SHANK1: variants seen among roughly 807,000 people sequenced by gnomAD.
SHANK1 encodes the protein SH3 and multiple ankyrin repeat domains 1.
Under a neutral mutation model 165.6 loss-of-function variants are expected in SHANK1, and 35 were observed. The ratio of observed to expected loss-of-function variants is 0.21; its 90% CI spans 0.16 to 0.28. The LOEUF (loss-of-function observed/expected upper bound fraction) is 0.28, where lower values mean the gene tolerates loss of function less well. Ranked by LOEUF, SHANK1 falls within the 10% of genes least tolerant of loss-of-function variation. The pLI, the probability that SHANK1 is intolerant of heterozygous loss-of-function variation, is 1.00. For synonymous variants in SHANK1, 1,428 were observed against 1,384.8 expected (o/e 1.03, Z -0.69); for missense variants, 2,681 against 3,036.4 (o/e 0.88, Z 2.75).
Position 50,662,480 on chromosome 19 carries a change from G to A in SHANK1, c.5971C>T (p.Arg1991Trp), listed in dbSNP as rs200577881. 26 of 1,552,540 alleles carry A rather than the reference G, an allele frequency of 1.7e-5. No homozygotes were observed. Among genetic ancestry groups the A allele is most frequent in the South Asian group, 3.6e-5 (3 of 83,134 alleles). Residue 1991 changes from arginine to tryptophan, a missense_variant, in exon 24 of 24, where the codon CGG becomes TGG. Physicochemically the swap from Arg to Trp is moderately radical, Grantham distance 101 (BLOSUM62 -3). This residue lies in a region of SHANK1 where 1,713 missense variants were observed against 1,630.2 expected (regional missense o/e 1.05). Transcript: ENST00000293441. The surrounding 1 kb of genome is among the most constrained non-coding windows in gnomAD (Gnocchi z 7.7). ...GGGGCCCGGCGGAGCAGAGGGGGCC[G>A]CATCTCGAACTCCACGCCCTGGAGG... The part of the protein sequence containing the change: ...RHLQGVEFEM[R>W]PPLLRRAPSP...
At chr19:50,663,796 T>G (rs1280889350) in intron 23 of SHANK1, among the ~76,000 whole-genome samples, 2 of 151,950 alleles carry the variant, frequency 1.3e-5, no homozygotes, top group East Asian at 3.8e-4. Context: ...CCAGAATACT[T>G]AAGAATAGTC....
Position 50,659,761 on chromosome 19 carries a change from C to A in SHANK1, c.*2204G>T. Among the ~76,000 whole-genome samples, 1 of 142,668 alleles carries A rather than the reference C, an allele frequency of 7.0e-6. No individual in the cohort carries two copies. Among genetic ancestry groups the A allele is most frequent in the African/African-American group, 2.6e-5 (1 of 38,188 alleles). The allele number at this position is 142,668 out of a possible 152,430, so 93.6% of individuals were successfully genotyped here. On this transcript the variant is annotated 3_prime_UTR_variant, in exon 24 of 24. Transcript: ENST00000293441. ...TTCGGTCCCTCCCCACTCCCCACCCCGACCTCTCCTCCCCCCCCCACCCCC... is the reference window on the plus strand; with the variant it reads ...TTCGGTCCCTCCCCACTCCCCACCCAGACCTCTCCTCCCCCCCCCACCCCC...
chr19:50,711,368 G>C lies in SHANK1; in HGVS notation c.1077+3C>G, dbSNP rs752441802. 1.9e-6 allele frequency: 3 copies of C among 1,552,270 alleles called. No individual in the cohort carries two copies. Among genetic ancestry groups the C allele is most frequent in the African/African-American group, 2.7e-5 (2 of 73,102 alleles). On this transcript the variant is annotated splice_donor_region_variant and intron_variant, in intron 8 of 23. Transcript: ENST00000293441. ...GGCCTGGGGTGGCCGCTGCTAGGCA[G>C]ACCTTGTTGTAGAGGGCGCAGATGT...
chr19:50,674,782 C>G (rs1024324491), intron 21 of SHANK1, among the ~76,000 whole-genome samples: 7 of 152,004 alleles, frequency 4.6e-5, no homozygotes, highest in Admixed American at 4.6e-4. Flanking sequence ...ACAAAAATTG[C>G]TGGGCACGGT....
In SHANK1 at chr19:50,719,397, C is replaced by A. The variant is rs1336485674; in HGVS notation, c.-44+9G>T. ...CTGCCCCAAACCCCCAGGTTCTCGA[C>A]CCCCTTACCTGCCTGGCGGGGCTGC... On this transcript the variant is annotated intron_variant, in intron 1 of 23. Coordinates refer to ENST00000293441, the MANE Select transcript of SHANK1 (RefSeq NM_016148.5). 6.7e-6 allele frequency: 1 copy of A among 150,284 alleles called. No individual in the cohort carries two copies. Among genetic ancestry groups the A allele is most frequent in the South Asian group, 2.1e-4 (1 of 4,752 alleles). The allele number at this position is 150,284 out of a possible 1,614,324, so 9.3% of individuals were successfully genotyped here. A position where few individuals can be genotyped will look rare whatever the true frequency, so the allele number is the denominator to read the frequency against.
chr19:50,711,930 G>C lies in SHANK1; in HGVS notation c.960+17C>G. 2 of 1,613,806 alleles carry C rather than the reference G, an allele frequency of 1.2e-6. No homozygotes were observed. Among genetic ancestry groups the C allele is most frequent in the Non-Finnish European group, 1.7e-6 (2 of 1,179,974 alleles). On this transcript the variant is annotated intron_variant, in intron 7 of 23. Coordinates refer to ENST00000293441, the MANE Select transcript of SHANK1 (RefSeq NM_016148.5). The stretch of plus-strand genomic sequence containing the variant: ...GGGTCCCCCACCCCAGCCCTTCATG[G>C]CCTGAATCAGGAGCACCTGGTGGAT...
At chr19:50,675,941 A>T (rs190090924) in intron 21 of SHANK1, among the ~76,000 whole-genome samples, 9 of 152,282 alleles carry the variant, frequency 5.9e-5, no homozygotes, top group Non-Finnish European at 1.3e-4. Context: ...GGTTGCAGTT[A>T]GTCAAGATCG....
In SHANK1 at chr19:50,697,059, T is replaced by A; in HGVS notation, c.1964+37A>T. The A allele has an allele frequency of 4.0e-6, 6 of 1,483,316 alleles. No homozygotes were observed. The highest frequency in any genetic ancestry group is 1.1e-5 in the South Asian group (1 of 88,064). The allele number at this position is 1,483,316 out of a possible 1,614,324, so 91.9% of individuals were successfully genotyped here. A position where few individuals can be genotyped will look rare whatever the true frequency, so the allele number is the denominator to read the frequency against. On this transcript the variant is annotated intron_variant, in intron 15 of 23. Coordinates refer to ENST00000293441, the MANE Select transcript of SHANK1 (RefSeq NM_016148.5). This position sits in a 1 kb window ranked among gnomAD's most constrained non-coding sequence, Gnocchi z 4.7. ...CCCCCCAGGCACCCCGTCCTTCCCCTCCTGACCCCATCCCCTCCCTGCCCC... is the reference window on the plus strand; with the variant it reads ...CCCCCCAGGCACCCCGTCCTTCCCCACCTGACCCCATCCCCTCCCTGCCCC...
chr19:50,708,588 A>G (rs2088972964), intron 8 of SHANK1, among the ~76,000 whole-genome samples: 1 of 151,810 alleles, frequency 6.6e-6, no homozygotes, highest in African/African-American at 2.4e-5. Context: ...TGCTCAAGGA[A>G]CGTGCATGGA....
chr19:50,685,702 C>T (rs1042567166), intron 21 of SHANK1, among the ~76,000 whole-genome samples: 2 of 151,746 alleles, frequency 1.3e-5, no homozygotes, highest in African/African-American at 4.8e-5. Flanking sequence ...CCAGCCTGGG[C>T]GACAGAGTGA....
In SHANK1 at chr19:50,660,416, G is replaced by A. The variant is rs1211821448; in HGVS notation, c.*1549C>T. Among the ~76,000 whole-genome samples, 1 of 152,098 alleles carries A rather than the reference G, an allele frequency of 6.6e-6. No individual in the cohort carries two copies. Among genetic ancestry groups the A allele is most frequent in the Admixed American group, 6.5e-5 (1 of 15,280 alleles). ...AGGCTCGAGTGTGGAAGCATGGTGA[G>A]CAGGAAGCCAGTGTGCATAGGGTCT... On this transcript the variant is annotated 3_prime_UTR_variant, in exon 24 of 24. Transcript: ENST00000293441.
At position 50,668,942 on chromosome 19, in the gene SHANK1, G is replaced by A. The variant is rs1985684556; in HGVS notation, c.3018C>T (p.His1006=). 5.4e-6 allele frequency: 3 copies of A among 559,722 alleles called. No homozygotes were observed. The highest frequency in any genetic ancestry group is 8.9e-6 in the Non-Finnish European group (3 of 335,556). The allele number at this position is 559,722 out of a possible 1,614,324, so 34.7% of individuals were successfully genotyped here. A position where few individuals can be genotyped will look rare whatever the true frequency, so the allele number is the denominator to read the frequency against. ...GGTGGGGCTGAGGGGGCGGGGCGTG[G>A]TGGTGGTGGTGGTGGGGCGGGTGGT... ...AHHHPPHHHH[H]HAPPPQPHHH... The change falls in exon 23 of 24, where the codon CAC becomes CAT. Residue 1006 remains histidine, a synonymous_variant. Coordinates refer to ENST00000293441, the MANE Select transcript of SHANK1 (RefSeq NM_016148.5).
chr19:50,703,604 G>T lies in SHANK1; in HGVS notation c.1449C>A (p.Ser483Arg), dbSNP rs746142104. ...GGCTGCTGGCACTTCGGAGGGTCCC[G>T]CTGCTGAGCTTGGTGGTGGGGGCCG... ...QPSAPTTKLS[S>R]GTLRSASSPR... Residue 483 changes from serine (S) to arginine (R), a missense_variant, in exon 11 of 24, where the codon AGC (serine) becomes AGA (arginine). This residue lies in a region of SHANK1 where 195 missense variants were observed against 186.2 expected (regional missense o/e 1.05). Coordinates refer to ENST00000293441, the MANE Select transcript of SHANK1 (RefSeq NM_016148.5). 1.3e-6 allele frequency: 2 copies of T among 1,557,746 alleles called. No homozygotes were observed. Among genetic ancestry groups the T allele is most frequent in the Admixed American group, 1.9e-5 (1 of 52,324 alleles).
At chr19:50,689,478 C>T (rs1049015525) in intron 15 of SHANK1, 199 bp from the exon 16 acceptor site, 5 of 690,130 alleles carry the variant, frequency 7.2e-6, no homozygotes, top group Non-Finnish European at 1.3e-5. Flanking sequence ...AGCCGGCATG[C>T]TCTCTCTCTC....
rs1985186279 is a variant in SHANK1, at chr19:50,660,935, A to T, written c.*1030T>A. On this transcript the variant is annotated 3_prime_UTR_variant, in exon 24 of 24. Coordinates refer to ENST00000293441, the MANE Select transcript of SHANK1 (RefSeq NM_016148.5). ...TGACGGTGCAAAAGGGGCAAGAGGG[A>T]AGGCGGGGGGTGGGGGGCTAGGAGT... Among the ~76,000 whole-genome samples, 1 of 129,550 alleles carries T rather than the reference A, an allele frequency of 7.7e-6. No homozygotes were observed. The highest frequency in any genetic ancestry group is 1.6e-5 in the Non-Finnish European group (1 of 61,776). The allele number at this position is 129,550 out of a possible 152,430, so 85.0% of individuals were successfully genotyped here. A position where few individuals can be genotyped will look rare whatever the true frequency, so the allele number is the denominator to read the frequency against.
chr19:50,710,384 G>C (rs921859069), intron 8 of SHANK1, among the ~76,000 whole-genome samples: 1 of 152,192 alleles, frequency 6.6e-6, no homozygotes, highest in Non-Finnish European at 1.5e-5. Flanking sequence ...GAGGAAGGGG[G>C]CTGACAGACC....
chr19:50,701,852 C>T (rs989259345), intron 12 of SHANK1, among the ~76,000 whole-genome samples: 5 of 152,226 alleles, frequency 3.3e-5, no homozygotes, highest in African/African-American at 1.2e-4. Flanking sequence ...GGGAGACTGG[C>T]TCCACTTTCC....
chr19:50,718,963 G>A lies in SHANK1; in HGVS notation c.-44+443C>T, dbSNP rs2089100816. ...AGCCTGGAAGGAGAAGCGGGAGCTG[G>A]AGGGGTCGAAAGGGGCGGAGGAGGC... On this transcript the variant is annotated intron_variant, in intron 1 of 23. Coordinates refer to ENST00000293441, the MANE Select transcript of SHANK1 (RefSeq NM_016148.5). The surrounding 1 kb of genome is among the most constrained non-coding windows in gnomAD (Gnocchi z 5.1). Among the ~76,000 whole-genome samples the A allele has an allele frequency of 6.6e-6, 1 of 151,942 alleles. No individual in the cohort carries two copies. The highest frequency in any genetic ancestry group is 2.1e-4 in the South Asian group (1 of 4,826).
chr19:50,665,618 G>T (rs889669976), intron 23 of SHANK1, among the ~76,000 whole-genome samples: 1 of 146,392 alleles, frequency 6.8e-6, no homozygotes, highest in Non-Finnish European at 1.5e-5. Flanking sequence ...AATTGGCCAG[G>T]CATAGTGGCG....
Sources: gnomAD v4.1 joint callset for allele counts (sites outside exome capture counted in the v4.1 genomes callset) on GRCh38, gnomAD v4.1.1 for gene constraint, gnomAD v4.1.1 regional missense constraint, Gnocchi (gnomAD v3.1) non-coding constraint, MANE v1.5 for transcripts, NCBI Gene and HGNC (gene_info 2026-07-23, HGNC 2026-07-21) for gene names.